The following NEGR1 variants were observed in gnomAD, a reference collection of about 807,000 sequenced individuals.
The protein encoded by NEGR1 is IgLON family member 4.
NEGR1 carries 10 observed loss-of-function variants against 40.9 expected under a neutral mutation model. The ratio of observed to expected loss-of-function variants is 0.24; its 90% CI spans 0.15 to 0.42. The LOEUF (loss-of-function observed/expected upper bound fraction) is 0.42, where lower values mean the gene tolerates loss of function less well. Among genes scored for constraint, NEGR1 ranks in the 10% least tolerant of loss-of-function variants. The pLI is 1.00. For synonymous variants in NEGR1, 185 were observed against 166.8 expected (o/e 1.11, Z -0.84); for missense variants, 352 against 438.9 (o/e 0.80, Z 1.77).
chr1:72,153,953 T>C (rs1651259141), intron 1 of NEGR1, among the ~76,000 whole-genome samples: 1 of 151,702 alleles, frequency 6.6e-6, no homozygotes, highest in African/African-American at 2.4e-5. Flanking sequence ...AGAAAGCAGA[T>C]GGTACTCTCG....
At position 71,402,960 on chromosome 1, in the gene NEGR1, T is replaced by C. The variant is rs1045377624; in HGVS notation, c.*4486A>G. On this transcript the variant is annotated 3_prime_UTR_variant, in exon 7 of 7. Transcript: ENST00000357731. The stretch of plus-strand genomic sequence containing the variant: ...GAAGCTGTGGGGGAAATCAGACATT[T>C]ATTAGAACATTTCCAGTTTTTTTGT... The C allele has an allele frequency of 2.0e-5, 3 of 152,122 alleles. No homozygotes were observed. Among genetic ancestry groups the C allele is most frequent in the African/African-American group, 7.2e-5 (3 of 41,454 alleles). The allele number at this position is 152,122 out of a possible 1,614,324, so 9.4% of individuals were successfully genotyped here.
intron 1 of NEGR1, among the ~76,000 whole-genome samples, chr1:72,208,705 C>T (rs1243349796): frequency 2.0e-5 from 3 of 151,562 alleles, no homozygotes; most frequent in African/African-American, 7.2e-5. Flanking sequence ...AACTTTATTT[C>T]AAATACAAAT....
At chr1:71,779,318 A>T (rs1455110957) in intron 2 of NEGR1, among the ~76,000 whole-genome samples, 1 of 152,232 alleles carries the variant, frequency 6.6e-6, no homozygotes, top group African/African-American at 2.4e-5. Flanking sequence ...AAAAGTTTAA[A>T]GGCATGTTAC....
chr1:71,532,549 C>G (rs746411307), intron 6 of NEGR1, among the ~76,000 whole-genome samples: 1 of 151,614 alleles, frequency 6.6e-6, no homozygotes, highest in Non-Finnish European at 1.5e-5. Flanking sequence ...ACTCCAAAAG[C>G]CTTGTAAACT....
intron 6 of NEGR1, among the ~76,000 whole-genome samples, chr1:71,464,085 T>G (rs531346470): frequency 1.5e-4 from 23 of 152,184 alleles, no homozygotes; most frequent in African/African-American, 5.3e-4. Context: ...CTGCAAAGGC[T>G]CCATGTAGTT....
intron 1 of NEGR1, among the ~76,000 whole-genome samples, chr1:72,227,458 C>T (rs1654227894): frequency 6.6e-6 from 1 of 151,774 alleles, no homozygotes. Flanking sequence ...GCAGGGGGAA[C>T]CATTTTGCCT....
chr1:71,793,122 T>C (rs943515367), intron 2 of NEGR1, among the ~76,000 whole-genome samples: 4 of 146,558 alleles, frequency 2.7e-5, no homozygotes, highest in African/African-American at 1.0e-4. Context: ...AAATGAAAAG[T>C]AGAATAGAAC....
intron 5 of NEGR1, among the ~76,000 whole-genome samples, chr1:71,598,566 T>C (rs952038771): frequency 6.6e-6 from 1 of 152,266 alleles, no homozygotes; most frequent in South Asian, 2.1e-4. Context: ...TCTCTCCTCC[T>C]TCCCTGCTCA....
At chr1:71,415,908 AT>A (rs1036858732) in intron 6 of NEGR1, among the ~76,000 whole-genome samples, 1 of 152,018 alleles carries the variant, frequency 6.6e-6, no homozygotes, top group African/African-American at 2.4e-5. Flanking sequence ...TGGAGTGTGT[AT>A]GTGGATGTGT....
intron 1 of NEGR1, among the ~76,000 whole-genome samples, chr1:72,099,243 A>C (rs919382509): frequency 6.6e-6 from 1 of 151,940 alleles, no homozygotes; most frequent in Non-Finnish European, 1.5e-5. Flanking sequence ...CAGATTTTAA[A>C]ATTCCTTGGT....
intron 1 of NEGR1, among the ~76,000 whole-genome samples, chr1:72,239,129 A>G (rs914245612): frequency 6.6e-6 from 1 of 151,892 alleles, no homozygotes; most frequent in African/African-American, 2.4e-5. Context: ...ATAAGAAAAA[A>G]ATAAAAACAA....
rs370278827 is a variant in NEGR1, at chr1:72,091,352, TTCCCTCCC to T, written c.177-156049_177-156042del. 3.3e-4 allele frequency among the ~76,000 whole-genome samples: 47 copies of T among 144,518 alleles called. 1 individual carries two copies. Among genetic ancestry groups the T allele is most frequent in the African/African-American group, 1.1e-3 (39 of 36,494 alleles). 94.8% of individuals were successfully genotyped at this position (144,518 alleles called of 152,430 possible). ...CACCACTCTTTTTCTCTCTCTCAGT[TTCCCTCCC>T]TCCCTCCCTCCCTCCGTTCCTCCTT... On this transcript the variant is annotated intron_variant, in intron 1 of 6. Transcript: ENST00000357731.
Position 71,399,727 on chromosome 1 carries a change from A to C in NEGR1, c.*7719T>G, listed in dbSNP as rs577700605. Reference sequence around the variant, plus strand: ...AATGATTTCTTAAGGAGTATGTCAAAAATGAGCTATTGAACACATTTTTGC... The same window carrying C: ...AATGATTTCTTAAGGAGTATGTCAACAATGAGCTATTGAACACATTTTTGC... On this transcript the variant is annotated 3_prime_UTR_variant, in exon 7 of 7. Transcript: ENST00000357731. The C allele has an allele frequency of 6.6e-6, 1 of 152,336 alleles. No homozygotes were observed. The highest frequency in any genetic ancestry group is 6.5e-5 in the Admixed American group (1 of 15,304). The allele number at this position is 152,336 out of a possible 1,614,324, so 9.4% of individuals were successfully genotyped here.
chr1:71,748,886 T>G (rs981970324), intron 3 of NEGR1, among the ~76,000 whole-genome samples: 1 of 151,970 alleles, frequency 6.6e-6, no homozygotes, highest in Admixed American at 6.6e-5. Context: ...CAAAAAAAAA[T>G]TAGAGACTTA....
intron 5 of NEGR1, among the ~76,000 whole-genome samples, chr1:71,594,949 A>T (rs917782494): frequency 1.3e-5 from 2 of 152,202 alleles, no homozygotes; most frequent in Non-Finnish European, 2.9e-5. Flanking sequence ...AAGAGTTGAG[A>T]GAGAAATTAA....
chr1:71,738,838 A>G (rs1302701034), intron 3 of NEGR1, among the ~76,000 whole-genome samples: 1 of 152,172 alleles, frequency 6.6e-6, no homozygotes, highest in Non-Finnish European at 1.5e-5. Context: ...GAGGATCCCT[A>G]CTGTTTTCTG....
intron 1 of NEGR1, among the ~76,000 whole-genome samples, chr1:71,987,706 C>A (rs1646408127): frequency 6.6e-6 from 1 of 152,122 alleles, no homozygotes; most frequent in Non-Finnish European, 1.5e-5. Flanking sequence ...ATTTGTGCCA[C>A]AAAGGGGAAA....
intron 2 of NEGR1, among the ~76,000 whole-genome samples, chr1:71,857,190 G>A (rs576736297): frequency 6.6e-6 from 1 of 152,036 alleles, no homozygotes; most frequent in Non-Finnish European, 1.5e-5. Flanking sequence ...AGACTTCATT[G>A]CTGTAAAAGA....
rs192240491 is a variant in NEGR1, at chr1:72,028,312, C to T, written c.177-93001G>A. Among the ~76,000 whole-genome samples, 13 of 152,212 alleles carry T rather than the reference C, an allele frequency of 8.5e-5. No homozygotes were observed. In the South Asian group the frequency reaches 1.0e-3, roughly 12 times the overall value. Reference sequence around the variant, plus strand: ...CTTGCTTTAATCTTTCACCTCTATACGTACCTTATTTTTCAAAAGTATGAA... The same window carrying T: ...CTTGCTTTAATCTTTCACCTCTATATGTACCTTATTTTTCAAAAGTATGAA... On this transcript the variant is annotated intron_variant, in intron 1 of 6. Transcript: ENST00000357731.
Sources: allele counts gnomAD v4.1 joint callset (sites outside exome capture counted in the v4.1 genomes callset), GRCh38; gene constraint gnomAD v4.1.1; transcripts MANE v1.5; gene names NCBI Gene and HGNC (gene_info 2026-07-23, HGNC 2026-07-21).